Variants in PHLDB2 observed in about 807,000 individuals in gnomAD.
The protein encoded by PHLDB2 is pleckstrin homology like domain family B member 2, also known as pleckstrin homology-like domain family B member 2.
A neutral mutation model predicts 123.6 loss-of-function variants in PHLDB2; 71 were observed. The ratio of observed to expected loss-of-function variants is 0.57; its 90% CI spans 0.47 to 0.70. PHLDB2 has a LOEUF of 0.70. Among genes scored for constraint, PHLDB2 ranks in the 30% least tolerant of loss-of-function variants. The pLI is 0.00. For missense variants in PHLDB2, 1,446 were observed against 1,519.5 expected (o/e 0.95, Z 0.80); for synonymous variants, 547 against 541.6 (o/e 1.01, Z -0.14).
intron 12 of PHLDB2, chr3:111,958,241 G>C (rs2071175857): frequency 1.0e-6 from 1 of 985,160 alleles, no homozygotes; most frequent in Admixed American, 6.0e-5. Context: ...GACTTGTCCT[G>C]TGCCCTCTTC....
At chr3:111,969,405 C>T (rs1178027343) in intron 15 of PHLDB2, among the ~76,000 whole-genome samples, 1 of 152,178 alleles carries the variant, frequency 6.6e-6, no homozygotes, top group East Asian at 1.9e-4. Flanking sequence ...ATCTTTTAAA[C>T]TAAGATAAAT....
At chr3:111,800,955 C>A (rs2108265964) in intron 1 of PHLDB2, among the ~76,000 whole-genome samples, 1 of 152,212 alleles carries the variant, frequency 6.6e-6, no homozygotes, top group South Asian at 2.1e-4. Flanking sequence ...ACATTGCCTT[C>A]ATAGATCATT....
intron 1 of PHLDB2, among the ~76,000 whole-genome samples, chr3:111,817,121 A>G (rs952646048): frequency 3.9e-5 from 6 of 152,140 alleles, no homozygotes; most frequent in Admixed American, 6.6e-5. Context: ...TTTGTAAATT[A>G]CCCAGTCTCA....
At chr3:111,822,351 A>G (rs2108411561) in intron 1 of PHLDB2, among the ~76,000 whole-genome samples, 1 of 151,258 alleles carries the variant, frequency 6.6e-6, no homozygotes, top group South Asian at 2.1e-4. Context: ...ACTGAAAACA[A>G]CTTGTTCTGC....
chr3:111,923,453 C>T (rs2068638652), intron 5 of PHLDB2, among the ~76,000 whole-genome samples: 1 of 152,186 alleles, frequency 6.6e-6, no homozygotes, highest in African/African-American at 2.4e-5. Context: ...CCTTCTATAG[C>T]TATGGCTTCA....
intron 1 of PHLDB2, among the ~76,000 whole-genome samples, chr3:111,754,594 A>C (rs1449731588): frequency 7.4e-6 from 1 of 134,288 alleles, no homozygotes; most frequent in African/African-American, 2.9e-5. Flanking sequence ...TGTCATCTGC[A>C]AACAGGGACA....
chr3:111,929,346 G>A (rs1272298494), intron 5 of PHLDB2, among the ~76,000 whole-genome samples: 1 of 152,016 alleles, frequency 6.6e-6, no homozygotes, highest in South Asian at 2.1e-4. Flanking sequence ...TCTCAGTTTG[G>A]TGTTTGGAAA....
intron 2 of PHLDB2, among the ~76,000 whole-genome samples, chr3:111,890,810 T>C (rs934422041): frequency 8.5e-5 from 13 of 152,172 alleles, no homozygotes; most frequent in Admixed American, 5.2e-4. Context: ...CCAGCTGCTG[T>C]GCTATTTGAG....
intron 2 of PHLDB2, among the ~76,000 whole-genome samples, chr3:111,887,312 A>G (rs2066228892): frequency 6.6e-6 from 1 of 152,162 alleles, no homozygotes; most frequent in South Asian, 2.1e-4. Flanking sequence ...TTTTTCTTTA[A>G]TAGTGGGCGT....
At chr3:111,880,576 C>T (rs1258480429) in intron 1 of PHLDB2, among the ~76,000 whole-genome samples, 3 of 152,082 alleles carry the variant, frequency 2.0e-5, no homozygotes, top group Non-Finnish European at 2.9e-5. Context: ...AGGACAGTCC[C>T]GGTCATAACC....
intron 1 of PHLDB2, among the ~76,000 whole-genome samples, chr3:111,775,373 A>G (rs1422715685): frequency 6.6e-6 from 1 of 152,210 alleles, no homozygotes; most frequent in Non-Finnish European, 1.5e-5. Context: ...GAAGAAAATC[A>G]CATAGAAGAG....
Position 111,884,443 on chromosome 3 carries a change from A to G in PHLDB2, c.366A>G (p.Pro122=). The change falls in exon 2 of 18, where the codon CCA becomes CCG. Residue 122 remains proline (P), a synonymous_variant. Transcript: ENST00000431670. ...LNTTSSLSGY[P]LGRADFDHYT... is the part of the protein sequence containing the mutation. ...CTACATCCTCCCTCAGTGGATATCC[A>G]CTTGGAAGAGCAGACTTTGATCATT... 1 of 1,614,112 alleles carries G rather than the reference A, an allele frequency of 6.2e-7. No individual in the cohort carries two copies. Among genetic ancestry groups the G allele is most frequent in the Non-Finnish European group, 8.5e-7 (1 of 1,180,014 alleles).
intron 1 of PHLDB2, among the ~76,000 whole-genome samples, chr3:111,878,903 C>A (rs4682323): frequency 0.48 from 73,587 of 151,964 alleles, 18,621 homozygotes; most frequent in East Asian, 0.78. Flanking sequence ...GGATGAAGCC[C>A]ACTTGATCAT....
chr3:111,928,472 A>G (rs990883797), intron 5 of PHLDB2, among the ~76,000 whole-genome samples: 1 of 152,166 alleles, frequency 6.6e-6, no homozygotes, highest in East Asian at 1.9e-4. Context: ...TTTGTAACCA[A>G]ATTGGGGCCT....
intron 16 of PHLDB2, among the ~76,000 whole-genome samples, chr3:111,971,271 C>T (rs2072158466): frequency 6.6e-6 from 1 of 152,138 alleles, no homozygotes; most frequent in African/African-American, 2.4e-5. Context: ...CACAAAACTG[C>T]TTCACTCTTC....
At chr3:111,825,535 C>T (rs1358761692) in intron 1 of PHLDB2, among the ~76,000 whole-genome samples, 2 of 152,224 alleles carry the variant, frequency 1.3e-5, no homozygotes, top group South Asian at 2.1e-4. Context: ...GGAGCCTCTG[C>T]CTGATGGGTT....
intron 1 of PHLDB2, among the ~76,000 whole-genome samples, chr3:111,781,687 C>G (rs1314782717): frequency 6.6e-6 from 1 of 152,118 alleles, no homozygotes; most frequent in African/African-American, 2.4e-5. Context: ...AATATGATTT[C>G]ATTTAAAAGC....
At chr3:111,748,258 C>T (rs1279126924) in intron 1 of PHLDB2, among the ~76,000 whole-genome samples, 1 of 152,198 alleles carries the variant, frequency 6.6e-6, no homozygotes, top group Non-Finnish European at 1.5e-5. Flanking sequence ...CTCTACCCTC[C>T]ATCAGAGGCA....
chr3:111,733,545 T>C (rs1371543807), intron 1 of PHLDB2, among the ~76,000 whole-genome samples: 2 of 152,178 alleles, frequency 1.3e-5, no homozygotes, highest in Non-Finnish European at 2.9e-5. Context: ...GCAAACCTGA[T>C]GATACCAATG....
Sources: gnomAD v4.1 joint callset for allele counts (sites outside exome capture counted in the v4.1 genomes callset) on GRCh38, gnomAD v4.1.1 for gene constraint, MANE v1.5 for transcripts, NCBI Gene and HGNC (gene_info 2026-07-23, HGNC 2026-07-21) for gene names.